The following FAR2 variants were observed in gnomAD, a reference collection of about 807,000 sequenced individuals.
FAR2 encodes the protein fatty acyl-CoA reductase 2.
FAR2 carries 19 observed loss-of-function variants against 56.0 expected under a neutral mutation model. The ratio of observed to expected loss-of-function variants is 0.34; its 90% CI spans 0.24 to 0.50. FAR2 has a LOEUF of 0.50. Among genes scored for constraint, FAR2 ranks in the 20% least tolerant of loss-of-function variants. The pLI is 0.98. For missense variants in FAR2, 508 were observed against 642.2 expected (o/e 0.79, Z 2.26); for synonymous variants, 219 against 218.8 (o/e 1.00, Z -0.01).
At chr12:29,316,200 T>C (rs1222089823) in intron 8 of FAR2, among the ~76,000 whole-genome samples, 2 of 152,166 alleles carry the variant, frequency 1.3e-5, no homozygotes, top group Admixed American at 1.3e-4. Flanking sequence ...ATGAATATCT[T>C]TTGGAAACAA....
rs544088840 is a variant in FAR2 at position 29,159,261 on chromosome 12, G to A, written c.-39+9854G>A. Among the ~76,000 whole-genome samples, 87 of 152,212 alleles carry A rather than the reference G, an allele frequency of 5.7e-4. No individual in the cohort carries two copies. In the South Asian group the frequency reaches 8.7e-3, roughly 15 times the overall value. ...ACCAATAAGAGTAAGATGGGAGGCC[G>A]GGCACGGTGGCTCATGCCTGTAATC... is the stretch of plus-strand genomic sequence containing the variant. On this transcript the variant is annotated intron_variant, in intron 1 of 11. Coordinates refer to ENST00000536681, the MANE Select transcript of FAR2 (RefSeq NM_001271783.2).
chr12:29,260,574 G>A (rs76763860), intron 1 of FAR2, among the ~76,000 whole-genome samples: 4,579 of 152,280 alleles, frequency 0.03, 227 homozygotes, highest in African/African-American at 0.1. Flanking sequence ...ATTTCTGGCT[G>A]TGACAGCTGT....
intron 1 of FAR2, among the ~76,000 whole-genome samples, chr12:29,241,328 A>G (rs1258463238): frequency 6.6e-6 from 1 of 151,600 alleles, no homozygotes; most frequent in East Asian, 1.9e-4. Flanking sequence ...TCTATTTTGT[A>G]TCTGATGGAA....
At chr12:29,286,064 G>GACACACAC (rs55752247) in intron 2 of FAR2, among the ~76,000 whole-genome samples, 1 of 150,774 alleles carries the variant, frequency 6.6e-6, no homozygotes, top group Admixed American at 6.6e-5. Context: ...CACACACACA[G>GACACACAC]ACACACACAC....
At chr12:29,243,477 C>G (rs564985506) in intron 1 of FAR2, among the ~76,000 whole-genome samples, 4 of 152,168 alleles carry the variant, frequency 2.6e-5, no homozygotes, top group Non-Finnish European at 2.9e-5. Flanking sequence ...TTCAATGAAG[C>G]ATTCATCAGA....
At chr12:29,173,685 C>T (rs1037705713) in intron 1 of FAR2, among the ~76,000 whole-genome samples, 3 of 152,068 alleles carry the variant, frequency 2.0e-5, no homozygotes, top group African/African-American at 7.2e-5. Context: ...CAAGGGTAAG[C>T]CGGTTGATAC....
chr12:29,296,369 G>A (rs1169817323), intron 3 of FAR2, among the ~76,000 whole-genome samples: 1 of 152,094 alleles, frequency 6.6e-6, no homozygotes, highest in Non-Finnish European at 1.5e-5. Flanking sequence ...AATTGGAAAT[G>A]GAAATTAAAT....
intron 1 of FAR2, among the ~76,000 whole-genome samples, chr12:29,258,934 C>T (rs1011801193): frequency 6.6e-6 from 1 of 152,174 alleles, no homozygotes; most frequent in African/African-American, 2.4e-5. Flanking sequence ...AATCTTCCTT[C>T]ATCTCCACTT....
intron 1 of FAR2, among the ~76,000 whole-genome samples, chr12:29,200,669 A>G (rs1036903838): frequency 2.6e-5 from 4 of 152,166 alleles, no homozygotes; most frequent in African/African-American, 9.7e-5. Context: ...TGATCCCTTT[A>G]CCTTTAGTTA....
intron 1 of FAR2, among the ~76,000 whole-genome samples, chr12:29,213,704 A>AG (rs1449980032): frequency 6.6e-6 from 1 of 151,702 alleles, no homozygotes; most frequent in Admixed American, 6.6e-5. Context: ...AAAAAAAAAA[A>AG]AAGATTAAGT....
chr12:29,246,657 A>G (rs1948132965), intron 1 of FAR2, among the ~76,000 whole-genome samples: 1 of 148,018 alleles, frequency 6.8e-6, no homozygotes, highest in Admixed American at 6.7e-5. Context: ...ACCATAAAAC[A>G]GCAGACTTAA....
intron 1 of FAR2, among the ~76,000 whole-genome samples, chr12:29,260,017 G>T (rs186734450): frequency 1.1e-3 from 165 of 152,146 alleles, no homozygotes; most frequent in African/African-American, 3.9e-3. Context: ...GTAGAAGGGG[G>T]ACCTTCTAGA....
At chr12:29,277,813 G>A (rs1948724103) in intron 2 of FAR2, 2 of 152,028 alleles carry the variant, frequency 1.3e-5, no homozygotes, top group African/African-American at 4.8e-5. Flanking sequence ...GTATAATCAT[G>A]CCTTTGCTGC....
intron 1 of FAR2, among the ~76,000 whole-genome samples, chr12:29,182,875 A>G (rs1361288947): frequency 6.6e-6 from 1 of 151,436 alleles, no homozygotes; most frequent in Non-Finnish European, 1.5e-5. Flanking sequence ...TTCCTTCCAG[A>G]GCTATTGCTC....
At chr12:29,157,497 A>G (rs943037846) in intron 1 of FAR2, among the ~76,000 whole-genome samples, 2 of 152,142 alleles carry the variant, frequency 1.3e-5, no homozygotes, top group African/African-American at 4.8e-5. Context: ...GAATTTGTGT[A>G]GAAAAGACAA....
At chr12:29,279,845 G>C (rs547302771) in intron 2 of FAR2, among the ~76,000 whole-genome samples, 2 of 151,900 alleles carry the variant, frequency 1.3e-5, no homozygotes, top group Non-Finnish European at 2.9e-5. Flanking sequence ...AACTGTATCT[G>C]ATAATAATAG....
Position 29,205,749 on chromosome 12 carries a change from T to C in FAR2, c.-39+56342T>C, listed in dbSNP as rs576227524. 2.0e-5 allele frequency among the ~76,000 whole-genome samples: 3 copies of C among 152,314 alleles called. No homozygotes were observed. The East Asian group carries it at 5.8e-4, about 29-fold the overall frequency. On this transcript the variant is annotated intron_variant, in intron 1 of 11. Transcript: ENST00000536681. ...TCAGTGATTCAGAAATCTCCATTTC[T>C]AGGAAATAGCAACTATGTCACACAG... is the stretch of plus-strand genomic sequence containing the variant.
chr12:29,186,949 C>T (rs183232458), intron 1 of FAR2, among the ~76,000 whole-genome samples: 70 of 152,104 alleles, frequency 4.6e-4, no homozygotes, highest in African/African-American at 1.7e-3. Context: ...CCACCACAAC[C>T]GGCTAATTTT....
At chr12:29,240,801 A>AT (rs951608817) in intron 1 of FAR2, among the ~76,000 whole-genome samples, 7 of 86,332 alleles carry the variant, frequency 8.1e-5, no homozygotes, top group Non-Finnish European at 1.4e-4. Flanking sequence ...GTGTATGTAT[A>AT]TTTTTTTTTA....
Sources: allele counts gnomAD v4.1 joint callset (sites outside exome capture counted in the v4.1 genomes callset), GRCh38; gene constraint gnomAD v4.1.1; transcripts MANE v1.5; gene names NCBI Gene and HGNC (gene_info 2026-07-23, HGNC 2026-07-21).